Variants in DCC observed in about 807,000 individuals in gnomAD.
DCC encodes the protein netrin receptor DCC.
Under a neutral mutation model 172.5 loss-of-function variants are expected in DCC, and 58 were observed. That is an observed-to-expected ratio of 0.34 (90% confidence interval 0.27 to 0.42). The LOEUF (loss-of-function observed/expected upper bound fraction) is 0.42. Among genes scored for constraint, DCC ranks in the 10% least tolerant of loss-of-function variants. DCC has a pLI of 1.00. For synonymous variants in DCC, 709 were observed against 644.5 expected (o/e 1.10, Z -1.52); for missense variants, 1,740 against 1,791.0 (o/e 0.97, Z 0.51).
At chr18:52,960,541 G>C (rs1281900924) in intron 5 of DCC, among the ~76,000 whole-genome samples, 4 of 151,854 alleles carry the variant, frequency 2.6e-5, no homozygotes, top group Non-Finnish European at 4.4e-5. Flanking sequence ...ATTGACCATG[G>C]TTCATCACAG....
At chr18:52,650,929 A>G (rs2035119744) in intron 1 of DCC, among the ~76,000 whole-genome samples, 1 of 152,214 alleles carries the variant, frequency 6.6e-6, no homozygotes, top group Non-Finnish European at 1.5e-5. Context: ...TTGACTTTAA[A>G]AATACAAGAA....
chr18:52,494,529 A>G lies in DCC; in HGVS notation c.91+153651A>G, dbSNP rs1284063834. On this transcript the variant is annotated intron_variant, in intron 1 of 28. Coordinates refer to ENST00000442544, the MANE Select transcript of DCC (RefSeq NM_005215.4). Reference sequence around the variant, plus strand: ...TACTTTCCGATATTTTTCATTTTCAATTAATGACTGGGCTTTTTTATTGAC... The same window carrying G: ...TACTTTCCGATATTTTTCATTTTCAGTTAATGACTGGGCTTTTTTATTGAC... 3.3e-5 allele frequency among the ~76,000 whole-genome samples: 5 copies of G among 151,954 alleles called. No individual in the cohort carries two copies. In the South Asian group the frequency reaches 8.3e-4, roughly 25 times the overall value.
At chr18:53,318,175 G>T (rs1302384050) in intron 13 of DCC, among the ~76,000 whole-genome samples, 1 of 152,150 alleles carries the variant, frequency 6.6e-6, no homozygotes. Flanking sequence ...ATTGTAGTAT[G>T]TTGTGTCTTT....
intron 1 of DCC, among the ~76,000 whole-genome samples, chr18:52,485,443 C>T (rs570784253): frequency 3.2e-4 from 48 of 152,010 alleles, no homozygotes; most frequent in African/African-American, 7.0e-4. Flanking sequence ...GCAGAATGCA[C>T]GGCAAATACA....
intron 2 of DCC, among the ~76,000 whole-genome samples, chr18:52,843,891 G>A (rs1403008772): frequency 2.0e-5 from 3 of 152,072 alleles, no homozygotes; most frequent in Admixed American, 6.6e-5. Context: ...GACCCACTGT[G>A]GGCTGACTCA....
intron 26 of DCC, among the ~76,000 whole-genome samples, chr18:53,488,645 A>G (rs1458206666): frequency 1.3e-5 from 2 of 152,154 alleles, no homozygotes; most frequent in South Asian, 2.1e-4. Flanking sequence ...ATCATGGGGA[A>G]AATGATTCCA....
At chr18:53,105,010 T>A (rs1367266849) in intron 7 of DCC, among the ~76,000 whole-genome samples, 1 of 152,056 alleles carries the variant, frequency 6.6e-6, no homozygotes, top group Non-Finnish European at 1.5e-5. Context: ...CTAGTTTTCA[T>A]GCATGCATTT....
intron 12 of DCC, among the ~76,000 whole-genome samples, chr18:53,274,409 A>C (rs1206232163): frequency 6.6e-6 from 1 of 152,176 alleles, no homozygotes; most frequent in Non-Finnish European, 1.5e-5. Flanking sequence ...TTGCTATGTA[A>C]GCAGGGTTTT....
chr18:53,315,757 C>A (rs2144811554), intron 13 of DCC, among the ~76,000 whole-genome samples: 1 of 151,830 alleles, frequency 6.6e-6, no homozygotes, highest in South Asian at 2.1e-4. Context: ...CCAGGAATGT[C>A]TTCTTTTGTA....
intron 3 of DCC, among the ~76,000 whole-genome samples, chr18:52,917,985 A>AT (rs35110915): frequency 3.9e-5 from 6 of 151,968 alleles, no homozygotes; most frequent in East Asian, 1.9e-4. Context: ...AAAAAAATCC[A>AT]TTTTTTTCTG....
At chr18:52,889,064 G>A (rs2039610364) in intron 2 of DCC, among the ~76,000 whole-genome samples, 1 of 152,020 alleles carries the variant, frequency 6.6e-6, no homozygotes, top group South Asian at 2.1e-4. Context: ...GGAATGCTCA[G>A]CACTAATGCA....
At chr18:52,412,428 G>A (rs1463181135) in intron 1 of DCC, among the ~76,000 whole-genome samples, 2 of 151,958 alleles carry the variant, frequency 1.3e-5, no homozygotes, top group South Asian at 2.1e-4. Context: ...ATACTATACT[G>A]TAAAACTGAC....
chr18:52,739,315 T>A (rs2036779343), intron 1 of DCC, among the ~76,000 whole-genome samples: 1 of 152,210 alleles, frequency 6.6e-6, no homozygotes, highest in African/African-American at 2.4e-5. Flanking sequence ...TTTCACTGAT[T>A]GAAGAAATTT....
intron 11 of DCC, among the ~76,000 whole-genome samples, chr18:53,209,006 C>T (rs1015002720): frequency 3.9e-5 from 6 of 152,202 alleles, no homozygotes; most frequent in Non-Finnish European, 7.3e-5. Flanking sequence ...GCTGGGATTA[C>T]AAGCGTGAGC....
Position 53,337,309 on chromosome 18 carries a change from T to C in DCC, c.2165-2404T>C, listed in dbSNP as rs113657655. 5.8e-3 allele frequency among the ~76,000 whole-genome samples: 888 copies of C among 152,368 alleles called. 9 individuals are homozygous for C. Among genetic ancestry groups the C allele is most frequent in the African/African-American group, 0.02 (841 of 41,596 alleles). ...GAAGATCTAGTTTATTTTCTTAGTG[T>C]ACGATTAGGCAGATTATCTTGTTGT... On this transcript the variant is annotated intron_variant, in intron 14 of 28. Coordinates refer to ENST00000442544, the MANE Select transcript of DCC (RefSeq NM_005215.4).
intron 7 of DCC, among the ~76,000 whole-genome samples, chr18:53,145,105 C>CTTT (rs57501246): frequency 0.2 from 7,342 of 36,936 alleles, 3,050 homozygotes; most frequent in East Asian, 0.41. Flanking sequence ...GAGGGCTCTG[C>CTTT]TTTTTTTTTT....
At chr18:53,415,646 T>C (rs532904431) in intron 20 of DCC, among the ~76,000 whole-genome samples, 24 of 152,194 alleles carry the variant, frequency 1.6e-4, no homozygotes, top group Non-Finnish European at 3.5e-4. Flanking sequence ...CTAAAGTTTA[T>C]CAAGATATTT....
At chr18:53,122,516 T>G (rs191939111) in intron 7 of DCC, among the ~76,000 whole-genome samples, 1 of 152,140 alleles carries the variant, frequency 6.6e-6, no homozygotes. Flanking sequence ...GATACAGATT[T>G]TTTTTCAGCT....
At chr18:52,468,205 A>G in intron 1 of DCC, among the ~76,000 whole-genome samples, 1 of 152,214 alleles carries the variant, frequency 6.6e-6, no homozygotes, top group East Asian at 1.9e-4. Context: ...AAAATATGAA[A>G]CAATCAAATA....
Sources: allele counts gnomAD v4.1 joint callset (sites outside exome capture counted in the v4.1 genomes callset), GRCh38; gene constraint gnomAD v4.1.1; transcripts MANE v1.5; gene names NCBI Gene and HGNC (gene_info 2026-07-23, HGNC 2026-07-21).